PIK3R1: variants seen among roughly 807,000 people sequenced by gnomAD.
PIK3R1 encodes phosphoinositide-3-kinase regulatory subunit 1.
In PIK3R1, 29 loss-of-function variants were observed where a neutral mutation model predicts 98.0. The ratio of observed to expected loss-of-function variants is 0.30; its 90% CI spans 0.22 to 0.40. The LOEUF is 0.40. PIK3R1 is among the 10% of genes least tolerant of loss of function. PIK3R1 has a pLI of 1.00. For synonymous variants in PIK3R1, 282 were observed against 311.8 expected (o/e 0.90, Z 1.01); for missense variants, 596 against 872.7 (o/e 0.68, Z 3.99).
chr5:68,279,763 T>A, intron 5 of PIK3R1, 30 bp downstream of exon 5: 2 of 1,608,078 alleles, frequency 1.2e-6, no homozygotes, highest in South Asian at 2.2e-5. Context: ...GGAACCTCAT[T>A]GAACATACAT....
intron 1 of PIK3R1, among the ~76,000 whole-genome samples, chr5:68,219,459 G>C (rs116555118): frequency 0.016 from 2,378 of 152,284 alleles, 61 homozygotes; most frequent in African/African-American, 0.055. Context: ...GGATGTCCCA[G>C]TGTCCCAGCC....
At chr5:68,264,306 A>G (rs1438838848) in intron 2 of PIK3R1, among the ~76,000 whole-genome samples, 1 of 152,206 alleles carries the variant, frequency 6.6e-6, no homozygotes, top group South Asian at 2.1e-4. Flanking sequence ...GTGCTTGTCC[A>G]TCAGTGTCAC....
chr5:68,221,924 T>A (rs980964287), intron 1 of PIK3R1, among the ~76,000 whole-genome samples: 1 of 152,240 alleles, frequency 6.6e-6, no homozygotes, highest in East Asian at 1.9e-4. Flanking sequence ...AATTTTGAAC[T>A]GTTGCATATG....
intron 2 of PIK3R1, among the ~76,000 whole-genome samples, chr5:68,263,233 A>G (rs1486577381): frequency 7.3e-6 from 1 of 136,886 alleles, no homozygotes; most frequent in African/African-American, 2.7e-5. Context: ...ATATATCTAT[A>G]TATGTAGAAA....
chr5:68,286,892 A>G (rs1747100312), intron 7 of PIK3R1, among the ~76,000 whole-genome samples: 1 of 152,238 alleles, frequency 6.6e-6, no homozygotes, highest in Non-Finnish European at 1.5e-5. Flanking sequence ...GGGCAAGATT[A>G]TGCAGCTCAG....
chr5:68,230,346 A>G (rs1744423786), intron 2 of PIK3R1, among the ~76,000 whole-genome samples: 1 of 152,226 alleles, frequency 6.6e-6, no homozygotes, highest in African/African-American at 2.4e-5. Context: ...GTGGTCCCCC[A>G]TTATCCTAAG....
At chr5:68,246,834 A>G (rs1449340384) in intron 2 of PIK3R1, among the ~76,000 whole-genome samples, 1 of 152,192 alleles carries the variant, frequency 6.6e-6, no homozygotes, top group African/African-American at 2.4e-5. Flanking sequence ...TACAAATCCA[A>G]AATTGCAGTA....
intron 4 of PIK3R1, 104 bp from the exon 5 acceptor site, chr5:68,279,495 ATTT>A (rs58796984): frequency 0.019 from 12,865 of 667,320 alleles, 2 homozygotes; most frequent in South Asian, 0.029. Context: ...TTGCTTCCTT[ATTT>A]TTTTTTTTTT....
chr5:68,250,040 A>G (rs772937857), intron 2 of PIK3R1, among the ~76,000 whole-genome samples: 1 of 152,196 alleles, frequency 6.6e-6, no homozygotes, highest in Non-Finnish European at 1.5e-5. Flanking sequence ...TAAAAACTTA[A>G]TGGAGGGAAG....
chr5:68,286,180 C>T (rs962874976), intron 7 of PIK3R1, among the ~76,000 whole-genome samples: 9 of 152,064 alleles, frequency 5.9e-5, no homozygotes, highest in Admixed American at 5.2e-4. Context: ...CTGTATTTGC[C>T]TCTGAAATGA....
chr5:68,285,092 CA>C lies in PIK3R1; in HGVS notation c.916+4087del, dbSNP rs1397267022. Among the ~76,000 whole-genome samples, 9 of 152,258 alleles carry C rather than the reference CA, an allele frequency of 5.9e-5. 1 individual carries two copies. In the East Asian group the frequency reaches 1.7e-3, roughly 29 times the overall value. On this transcript the variant is annotated intron_variant, in intron 7 of 15. Transcript: ENST00000521381. Reference sequence around the variant, plus strand: ...CCAAGGTAAAAATAAGTCTATTTAACACAGGGTGCCTTTGAATGAAACCCAT... The same window carrying C: ...CCAAGGTAAAAATAAGTCTATTTAACCAGGGTGCCTTTGAATGAAACCCAT...
chr5:68,245,734 C>G (rs1451047084), intron 2 of PIK3R1, among the ~76,000 whole-genome samples: 1 of 152,042 alleles, frequency 6.6e-6, no homozygotes, highest in Non-Finnish European at 1.5e-5. Flanking sequence ...GCATTTAAAC[C>G]TGACGAAAAT....
chr5:68,278,713 G>A (rs551946113), intron 4 of PIK3R1, among the ~76,000 whole-genome samples: 2 of 152,180 alleles, frequency 1.3e-5, no homozygotes, highest in South Asian at 2.1e-4. Context: ...AGGCTGAGGC[G>A]GGTGGATCAC....
rs187895367 is a variant in PIK3R1 at position 68,281,607 on chromosome 5, C to T, written c.916+601C>T. ...TTAAACTGATGTATTTTTCTTCTAC[C>T]GTGGAAAGTCTAAACAACCTCATTT... On this transcript the variant is annotated intron_variant, in intron 7 of 15. Coordinates refer to ENST00000521381, the MANE Select transcript of PIK3R1 (RefSeq NM_181523.3). Among the ~76,000 whole-genome samples the T allele has an allele frequency of 5.3e-5, 8 of 152,180 alleles. No individual in the cohort carries two copies. The South Asian group carries it at 6.2e-4, about 12-fold the overall frequency.
At chr5:68,254,744 G>T (rs1305750329) in intron 2 of PIK3R1, among the ~76,000 whole-genome samples, 1 of 151,964 alleles carries the variant, frequency 6.6e-6, no homozygotes, top group East Asian at 1.9e-4. Context: ...GCTTAGTTAT[G>T]GTTCATACCC....
intron 7 of PIK3R1, among the ~76,000 whole-genome samples, chr5:68,289,570 C>T (rs1365349163): frequency 6.6e-6 from 1 of 151,728 alleles, no homozygotes; most frequent in Admixed American, 6.6e-5. Context: ...CCCTCCCCCC[C>T]CGCCATCATA....
chr5:68,292,117 C>T, intron 7 of PIK3R1, 142 bp from the exon 8 acceptor site: 2 of 477,094 alleles, frequency 4.2e-6, no homozygotes, highest in East Asian at 3.2e-5. Flanking sequence ...AATTATCTTC[C>T]ATATTGCATG....
Position 68,301,529 on chromosome 5 carries a change from A to C in PIK3R1, c.*3928A>C. The C allele has an allele frequency of 6.7e-6, 1 of 148,742 alleles. No individual in the cohort carries two copies. The highest frequency in any genetic ancestry group is 2.7e-5 in the African/African-American group (1 of 36,852). 9.2% of individuals were successfully genotyped at this position (148,742 alleles called of 1,614,324 possible). A position where few individuals can be genotyped will look rare whatever the true frequency, so the allele number is the denominator to read the frequency against. ...ATATGTATTTAAAAAAATCAAAACA[A>C]AAAAAAACTCATTTATACCTGTGTA... On this transcript the variant is annotated 3_prime_UTR_variant, in exon 16 of 16. Transcript: ENST00000521381.
chr5:68,262,403 T>TATATATATATATATATACACAC (rs33968242), intron 2 of PIK3R1, among the ~76,000 whole-genome samples: 3 of 140,614 alleles, frequency 2.1e-5, no homozygotes, highest in Non-Finnish European at 4.6e-5. Flanking sequence ...TATATATATA[T>TATATATATATATATATACACAC]ACACACACGC....
Sources: allele counts gnomAD v4.1 joint callset (sites outside exome capture counted in the v4.1 genomes callset), GRCh38; gene constraint gnomAD v4.1.1; transcripts MANE v1.5; gene names NCBI Gene and HGNC (gene_info 2026-07-23, HGNC 2026-07-21).